Variants in CACNA1A observed in about 807,000 individuals in gnomAD.
CACNA1A encodes calcium voltage-gated channel subunit alpha1 A, also known as voltage-dependent P/Q-type calcium channel subunit alpha-1A.
Under a neutral mutation model 262.4 loss-of-function variants are expected in CACNA1A, and 57 were observed. The observed-to-expected ratio is 0.22, with a 90% CI of 0.18 to 0.27. The LOEUF is 0.27. Among genes scored for constraint, CACNA1A ranks in the 10% least tolerant of loss-of-function variants. CACNA1A has a pLI of 1.00. For missense variants in CACNA1A, 2,526 were observed against 3,562.8 expected, an observed-to-expected ratio of 0.71 and a Z score of 7.41; for synonymous variants, 1,431 against 1,419.3, an observed-to-expected ratio of 1.01 and a Z score of -0.18.
intron 1 of CACNA1A, among the ~76,000 whole-genome samples, chr19:13,495,647 G>C (rs188478592): frequency 3.3e-5 from 5 of 152,256 alleles, no homozygotes; most frequent in East Asian, 1.9e-4. Context: ...GGTAAGCGGA[G>C]AGACTTGGTC....
intron 3 of CACNA1A, among the ~76,000 whole-genome samples, chr19:13,439,941 G>C (rs574920963): frequency 1.6e-3 from 241 of 152,232 alleles, no homozygotes; most frequent in Non-Finnish European, 2.6e-3. Flanking sequence ...AGGAAAACGT[G>C]ACTGGTTGAG....
At chr19:13,301,635 T>C (rs1211915689) in intron 17 of CACNA1A, among the ~76,000 whole-genome samples, 1 of 152,224 alleles carries the variant, frequency 6.6e-6, no homozygotes, top group Admixed American at 6.5e-5. Flanking sequence ...TCTTCAGCCT[T>C]CATGCAGGGC....
intron 3 of CACNA1A, among the ~76,000 whole-genome samples, chr19:13,402,229 G>C (rs2059909995): frequency 1.3e-5 from 2 of 152,156 alleles, no homozygotes; most frequent in Non-Finnish European, 2.9e-5. Flanking sequence ...CTCCCATTGG[G>C]GATGAGGAAA....
chr19:13,227,559 C>CA, intron 36 of CACNA1A, 32 bp from the exon 37 acceptor site: 1 of 1,353,032 alleles, frequency 7.4e-7, no homozygotes, highest in Non-Finnish European at 1.0e-6. Flanking sequence ...AAAACAAAAA[C>CA]AAAAACAAAA....
chr19:13,348,610 G>A (rs2058838709), intron 6 of CACNA1A, among the ~76,000 whole-genome samples: 2 of 152,200 alleles, frequency 1.3e-5, no homozygotes, highest in South Asian at 2.1e-4. Context: ...GGCCAAGGCG[G>A]GCGAATCATG....
chr19:13,245,737 T>C (rs1023500104), intron 30 of CACNA1A: 7 of 153,296 alleles, frequency 4.6e-5, no homozygotes, highest in Non-Finnish European at 8.6e-5. Flanking sequence ...AGTGGCACGA[T>C]CTCGGCTCAC....
intron 3 of CACNA1A, among the ~76,000 whole-genome samples, chr19:13,435,171 T>TG (rs1034161138): frequency 2.0e-5 from 3 of 151,936 alleles, no homozygotes; most frequent in Non-Finnish European, 4.4e-5. Flanking sequence ...TGGAGTGCAG[T>TG]GGCGCAATCT....
chr19:13,350,549 C>T (rs1355736817), intron 6 of CACNA1A, among the ~76,000 whole-genome samples: 2 of 152,194 alleles, frequency 1.3e-5, no homozygotes, highest in Non-Finnish European at 2.9e-5. Flanking sequence ...TCAGTGACCC[C>T]CATTACCAAC....
intron 3 of CACNA1A, among the ~76,000 whole-genome samples, chr19:13,406,461 A>T (rs1246086312): frequency 1.8e-5 from 2 of 111,004 alleles, no homozygotes; most frequent in African/African-American, 7.0e-5. Context: ...TCTCAAAAAA[A>T]AAATTATATA....
chr19:13,236,241 C>T lies in CACNA1A; in HGVS notation c.4951-511G>A, dbSNP rs149740595. Among the ~76,000 whole-genome samples the T allele has an allele frequency of 1.1e-3, 164 of 152,198 alleles. No individual in the cohort carries two copies. The highest frequency in any genetic ancestry group is 6.8e-3 in the Middle Eastern group (2 of 294). ...GGGGTGGGGGTGGAGGTCGCCAGCA[C>T]AGTCAGGCCTGGTGGACATGTGCGG... is the stretch of plus-strand genomic sequence containing the variant. On this transcript the variant is annotated intron_variant, in intron 31 of 46. Coordinates refer to ENST00000360228, the MANE Select transcript of CACNA1A (RefSeq NM_001127222.2). This position sits in a 1 kb window ranked among gnomAD's most constrained non-coding sequence, Gnocchi z 4.6.
At chr19:13,284,517 C>T (rs75446890) in intron 21 of CACNA1A, 18,346 of 152,190 alleles carry the variant, frequency 0.12, 1,310 homozygotes, top group East Asian at 0.22. Context: ...AAACAACCTC[C>T]GAGCCACTAC....
chr19:13,334,864 T>C (rs1282876071), intron 7 of CACNA1A, among the ~76,000 whole-genome samples: 1 of 151,670 alleles, frequency 6.6e-6, no homozygotes, highest in Non-Finnish European at 1.5e-5. Context: ...GTGGGCCCCA[T>C]CTCTATGAAA....
At chr19:13,479,128 C>T (rs978029727) in intron 1 of CACNA1A, among the ~76,000 whole-genome samples, 2 of 152,170 alleles carry the variant, frequency 1.3e-5, no homozygotes, top group African/African-American at 2.4e-5. Flanking sequence ...GAGCCCAGAT[C>T]GTGCCACCAC....
intron 4 of CACNA1A, among the ~76,000 whole-genome samples, chr19:13,367,627 C>A (rs951459356): frequency 9.9e-5 from 15 of 152,002 alleles, no homozygotes; most frequent in Admixed American, 3.3e-4. Context: ...ACTCGGGAGG[C>A]TGAGGCAGGA....
intron 1 of CACNA1A, among the ~76,000 whole-genome samples, chr19:13,484,631 T>G (rs958851723): frequency 3.3e-5 from 5 of 152,218 alleles, no homozygotes; most frequent in Non-Finnish European, 7.3e-5. Flanking sequence ...TTCCAATACA[T>G]TCTCCATGCA....
At chr19:13,350,683 CT>C (rs1159742138) in intron 6 of CACNA1A, among the ~76,000 whole-genome samples, 1 of 151,412 alleles carries the variant, frequency 6.6e-6, no homozygotes, top group East Asian at 1.9e-4. Flanking sequence ...AGAATCACAT[CT>C]CTTAAACGAC....
chr19:13,329,794 T>A (rs1431272935), intron 10 of CACNA1A, among the ~76,000 whole-genome samples: 11 of 148,966 alleles, frequency 7.4e-5, no homozygotes, highest in Admixed American at 4.7e-4. Flanking sequence ...TTTTTTTTTT[T>A]TTCTGTGCCC....
At chr19:13,218,735 C>T (rs561634934) in intron 38 of CACNA1A, among the ~76,000 whole-genome samples, 25 of 152,180 alleles carry the variant, frequency 1.6e-4, no homozygotes, top group African/African-American at 6.0e-4. Flanking sequence ...TATGCCACCA[C>T]ACCTGGCTAA....
At chr19:13,227,779 GGAGA>G (rs148342035) in intron 36 of CACNA1A, 4 of 250,908 alleles carry the variant, frequency 1.6e-5, no homozygotes, top group African/African-American at 6.8e-5. Context: ...TCGGGAGCAG[GGAGA>G]GAGAGAGAAA....
Sources: gnomAD v4.1 joint callset for allele counts (sites outside exome capture counted in the v4.1 genomes callset) on GRCh38, gnomAD v4.1.1 for gene constraint, Gnocchi (gnomAD v3.1) non-coding constraint, MANE v1.5 for transcripts, NCBI Gene and HGNC (gene_info 2026-07-23, HGNC 2026-07-21) for gene names.